TEAD4: variants seen among roughly 807,000 people sequenced by gnomAD.
The protein encoded by TEAD4 is transcriptional enhancer factor TEF-3.
Under a neutral mutation model 52.4 loss-of-function variants are expected in TEAD4, and 36 were observed. The ratio of observed to expected loss-of-function variants is 0.69; its 90% confidence interval spans 0.53 to 0.91. TEAD4 has a LOEUF of 0.91. Ranked by LOEUF, TEAD4 falls within the 40% of genes least tolerant of loss-of-function variation. The pLI is 0.00. For synonymous variants in TEAD4, 220 were observed against 231.0 expected, an observed-to-expected ratio of 0.95 and a Z score of 0.43; for missense variants, 508 against 583.9, an observed-to-expected ratio of 0.87 and a Z score of 1.34.
At position 3,035,933 on chromosome 12, in the gene TEAD4, G is replaced by A. The variant is rs148580393; in HGVS notation, c.898-2035G>A. Among the ~76,000 whole-genome samples, 483 of 152,128 alleles carry A rather than the reference G, an allele frequency of 3.2e-3. 9 individuals carry two copies. The highest frequency in any genetic ancestry group is 0.023 in the Admixed American group (351 of 15,282). ...AGACCTTCGGCCAGTCACAGCCACA[G>A]TTAAATCTAGTCCGGCAGAGGCCTC... is the stretch of plus-strand genomic sequence containing the variant. On this transcript the variant is annotated intron_variant, in intron 10 of 12. Transcript: ENST00000359864.
rs1050857058 is a variant in TEAD4 at position 3,019,181 on chromosome 12, G to C, written c.583+11G>C. 1.9e-6 allele frequency: 3 copies of C among 1,613,464 alleles called. No individual in the cohort carries two copies. In the East Asian group the frequency reaches 6.7e-5, roughly 36 times the overall value. Reference sequence around the variant, plus strand: ...CGCTGCCTCTGCCAGGTGGGTGGGCGCTGCGTGGCCCCCTTTCTATCGCAG... The same window carrying C: ...CGCTGCCTCTGCCAGGTGGGTGGGCCCTGCGTGGCCCCCTTTCTATCGCAG... On this transcript the variant is annotated intron_variant, in intron 8 of 12. Coordinates refer to ENST00000359864, the MANE Select transcript of TEAD4 (RefSeq NM_003213.4).
rs141906506 is a variant in TEAD4, at chr12:3,012,057, C to G, written c.292-113C>G. ...CAGTTGACCCTTTCATTCATTCATT[C>G]ATTTGGTCCACAGATGTGGGTTGAG... On this transcript the variant is annotated intron_variant, in intron 4 of 12. Transcript: ENST00000359864. The G allele has an allele frequency of 3.6e-3, 3,581 of 1,007,452 alleles. 116 individuals are homozygous for G. The Admixed American group carries it at 0.07, about 20-fold the overall frequency. 62.4% of individuals were successfully genotyped at this position (1,007,452 alleles called of 1,614,324 possible).
chr12:2,963,562 C>T (rs1476291032), intron 2 of TEAD4, among the ~76,000 whole-genome samples: 1 of 152,200 alleles, frequency 6.6e-6, no homozygotes, highest in Non-Finnish European at 1.5e-5. Flanking sequence ...GAGGTGGGGG[C>T]AGGGCTTTGT....
chr12:3,017,447 C>A lies in TEAD4; in HGVS notation c.404C>A (p.Ser135Tyr). ...CTGCAGAGCATGGCTGCCATGTCGTCTGCACAGATCATCTCCGCCACGGCC... is the reference window on the plus strand; with the variant it reads ...CTGCAGAGCATGGCTGCCATGTCGTATGCACAGATCATCTCCGCCACGGCC... Residue 135 changes from serine to tyrosine, a missense_variant, in exon 6 of 13, where the codon TCT (serine) becomes TAT (tyrosine). Physicochemically the swap from Ser to Tyr is moderately radical, Grantham distance 144 (BLOSUM62 -2). Coordinates refer to ENST00000359864, the MANE Select transcript of TEAD4 (RefSeq NM_003213.4). 6.2e-7 allele frequency: 1 copy of A among 1,614,204 alleles called. No homozygotes were observed. Among genetic ancestry groups the A allele is most frequent in the Non-Finnish European group, 8.5e-7 (1 of 1,180,044 alleles).
At chr12:3,010,184 T>G (rs559814203) in intron 3 of TEAD4, among the ~76,000 whole-genome samples, 2 of 152,386 alleles carry the variant, frequency 1.3e-5, no homozygotes, top group African/African-American at 4.8e-5. Flanking sequence ...CCCGGTCCTC[T>G]GAACACGTCC....
intron 2 of TEAD4, among the ~76,000 whole-genome samples, chr12:2,982,562 G>A (rs74054813): frequency 7.6e-4 from 115 of 152,316 alleles, no homozygotes; most frequent in African/African-American, 2.5e-3. Flanking sequence ...TCCATGAGCC[G>A]CAGGGCAGGG....
rs537978012 is a variant in TEAD4, at chr12:3,016,617, AAAG to A, written c.355-772_355-770del. 3.5e-3 allele frequency among the ~76,000 whole-genome samples: 532 copies of A among 152,102 alleles called. 2 individuals carry two copies. The highest frequency in any genetic ancestry group is 0.012 in the African/African-American group (511 of 41,510). ...ACCCTGTCTCTGGAAAAAAAAAAAA[AAAG>A]AAGAAGAAAAAGACACAGTTTCCAT... On this transcript the variant is annotated intron_variant, in intron 5 of 12. Transcript: ENST00000359864.
chr12:2,983,560 T>G (rs760934566), intron 2 of TEAD4, among the ~76,000 whole-genome samples: 7 of 152,296 alleles, frequency 4.6e-5, no homozygotes, highest in Non-Finnish European at 1.0e-4. Context: ...TGTCTGTGGT[T>G]GTGTAGTTGG....
At position 3,018,535 on chromosome 12, in the gene TEAD4, G is replaced by T; in HGVS notation, c.484-10G>T. On this transcript the variant is annotated splice_polypyrimidine_tract_variant and intron_variant, in intron 6 of 12. Transcript: ENST00000359864. ...GGGCCGTGCTGATTCCATGCCTTTT[G>T]CCTCCTCAGTTTTGGCAAGGAGCTT... is the stretch of plus-strand genomic sequence containing the variant. 6.2e-7 allele frequency: 1 copy of T among 1,614,082 alleles called. No homozygotes were observed. The highest frequency in any genetic ancestry group is 8.5e-7 in the Non-Finnish European group (1 of 1,179,974).
intron 2 of TEAD4, among the ~76,000 whole-genome samples, chr12:2,984,472 ATTAG>A (rs946839741): frequency 6.6e-6 from 1 of 152,118 alleles, no homozygotes; most frequent in African/African-American, 2.4e-5. Context: ...GGATGTGGTC[ATTAG>A]TTAGATGTGG....
chr12:2,966,767 T>G (rs1302136385), intron 2 of TEAD4, among the ~76,000 whole-genome samples: 1 of 148,758 alleles, frequency 6.7e-6, no homozygotes, highest in Non-Finnish European at 1.5e-5. Flanking sequence ...AGTACAGTGG[T>G]GCGATCTCGG....
chr12:2,992,663 C>G (rs1021232153), intron 2 of TEAD4, among the ~76,000 whole-genome samples: 9 of 152,024 alleles, frequency 5.9e-5, no homozygotes, highest in Non-Finnish European at 1.3e-4. Context: ...CATTGCTCCT[C>G]AAGGCTAGTG....
chr12:3,005,029 A>C (rs572281708), intron 3 of TEAD4, among the ~76,000 whole-genome samples: 1 of 152,376 alleles, frequency 6.6e-6, no homozygotes, highest in African/African-American at 2.4e-5. Flanking sequence ...GGAGAGGAGG[A>C]GGAAGCTCCA....
intron 4 of TEAD4, 24 bp downstream of exon 4, chr12:3,011,092 G>T (rs1371710014): frequency 6.2e-7 from 1 of 1,613,736 alleles, no homozygotes; most frequent in East Asian, 2.2e-5. Context: ...GACGGGTAGG[G>T]GTCCCGGGGG....
At chr12:2,976,008 ATTTTT>A (rs61140040) in intron 2 of TEAD4, among the ~76,000 whole-genome samples, 1 of 145,494 alleles carries the variant, frequency 6.9e-6, no homozygotes, top group Non-Finnish European at 1.5e-5. Context: ...TTCATAGCTC[ATTTTT>A]TTTTTTTTTT....
intron 2 of TEAD4, among the ~76,000 whole-genome samples, chr12:2,992,250 C>A (rs1005968179): frequency 6.6e-6 from 1 of 151,920 alleles, no homozygotes; most frequent in Non-Finnish European, 1.5e-5. Context: ...AACTCCTGAC[C>A]TCAGGGGATC....
intron 2 of TEAD4, among the ~76,000 whole-genome samples, chr12:2,974,917 C>T (rs1049133342): frequency 2.0e-5 from 3 of 152,144 alleles, no homozygotes; most frequent in Non-Finnish European, 4.4e-5. Flanking sequence ...TTCTGTTAGT[C>T]ACTCCCGGGC....
At chr12:3,000,153 A>C (rs371142023) in intron 3 of TEAD4, among the ~76,000 whole-genome samples, 1 of 152,176 alleles carries the variant, frequency 6.6e-6, no homozygotes, top group Non-Finnish European at 1.5e-5. Flanking sequence ...TTCTCTGGAC[A>C]GTTAGCCACC....
At chr12:2,989,764 C>T (rs377248512) in intron 2 of TEAD4, among the ~76,000 whole-genome samples, 5 of 152,264 alleles carry the variant, frequency 3.3e-5, no homozygotes, top group African/African-American at 9.6e-5. Context: ...GTTTAATAGT[C>T]CTTCCTTTCT....
Sources: allele counts gnomAD v4.1 joint callset (sites outside exome capture counted in the v4.1 genomes callset), GRCh38; gene constraint gnomAD v4.1.1; transcripts MANE v1.5; gene names NCBI Gene and HGNC (gene_info 2026-07-23, HGNC 2026-07-21).